The following USH2A variants were observed in gnomAD, a reference collection of about 807,000 sequenced individuals.
USH2A encodes the protein Usher syndrome 2A (autosomal recessive, mild).
Under a neutral mutation model 538.9 loss-of-function variants are expected in USH2A, and 443 were observed. The observed-to-expected ratio is 0.82, with a 90% confidence interval of 0.76 to 0.89. The LOEUF (loss-of-function observed/expected upper bound fraction) is 0.89, where lower values mean the gene tolerates loss of function less well. Among genes scored for constraint, USH2A ranks in the 40% least tolerant of loss-of-function variants. The probability of loss-of-function intolerance (pLI) is 0.00; values close to 1 mark genes in which losing one functional copy is unlikely to be tolerated. For missense variants in USH2A, 6,633 were observed against 6,324.8 expected (o/e 1.05, Z -1.65); for synonymous variants, 2,413 against 2,273.5 (o/e 1.06, Z -1.75).
At chr1:216,050,350 G>T (rs1486440416) in intron 30 of USH2A, among the ~76,000 whole-genome samples, 1 of 152,000 alleles carries the variant, frequency 6.6e-6, no homozygotes, top group African/African-American at 2.4e-5. Context: ...GGTCTTGAAG[G>T]AAAGGCCTTG....
At chr1:215,844,667 C>G (rs1352738396) in intron 45 of USH2A, among the ~76,000 whole-genome samples, 171 bp from the exon 46 acceptor site, 4 of 152,192 alleles carry the variant, frequency 2.6e-5, no homozygotes, top group Non-Finnish European at 5.9e-5. Context: ...ATTATACTCT[C>G]AGTTAGAAAC....
intron 21 of USH2A, among the ~76,000 whole-genome samples, chr1:216,164,732 G>A (rs1243223517): frequency 6.6e-6 from 1 of 152,040 alleles, no homozygotes; most frequent in Non-Finnish European, 1.5e-5. Flanking sequence ...GTAGAGAGAG[G>A]TCATAAAGAA....
chr1:215,639,327 A>T, intron 68 of USH2A, 89 bp from the exon 69 acceptor site: 1 of 1,248,766 alleles, frequency 8.0e-7, no homozygotes, highest in Non-Finnish European at 1.2e-6. Flanking sequence ...GCATCATAGC[A>T]TGAAAAATAG....
At chr1:216,212,705 G>GTA (rs2035267067) in intron 15 of USH2A, among the ~76,000 whole-genome samples, 1 of 142,636 alleles carries the variant, frequency 7.0e-6, no homozygotes, top group Non-Finnish European at 1.5e-5. Context: ...GTGTGTGTGT[G>GTA]CATGCACATA....
At position 215,798,909 on chromosome 1, in the gene USH2A, G is replaced by A. The variant is rs761386458; in HGVS notation, c.9956C>T (p.Pro3319Leu). 1.9e-6 allele frequency: 3 copies of A among 1,613,968 alleles called. No homozygotes were observed. The highest frequency in any genetic ancestry group is 1.7e-5 in the Admixed American group (1 of 59,976). The change falls in exon 50 of 72, where the codon CCA becomes CTA. Residue 3319 changes from proline to leucine, a missense_variant and splice_region_variant. Transcript: ENST00000307340. Reference sequence around the variant, plus strand: ...AAAGGTAGACCTGGGCCCCTTACCTGGAAGGCGATTGTACACCACTCCTTC... The same window carrying A: ...AAAGGTAGACCTGGGCCCCTTACCTAGAAGGCGATTGTACACCACTCCTTC... ...GEEGVVYNRL[P>L]GMFCCGQDYV... is the part of the protein sequence containing the mutation.
At chr1:216,112,600 C>T (rs1435348643) in intron 21 of USH2A, among the ~76,000 whole-genome samples, 1 of 152,000 alleles carries the variant, frequency 6.6e-6, no homozygotes, top group Non-Finnish European at 1.5e-5. Flanking sequence ...TTTTCTGCTC[C>T]TCTCCCTTCT....
At chr1:216,009,309 A>G (rs949362640) in intron 32 of USH2A, among the ~76,000 whole-genome samples, 2 of 151,954 alleles carry the variant, frequency 1.3e-5, no homozygotes, top group Non-Finnish European at 2.9e-5. Flanking sequence ...TGTTTTTAAG[A>G]ACTTAAAACC....
chr1:215,747,881 TG>T (rs1558080813), intron 58 of USH2A, among the ~76,000 whole-genome samples: 8 of 129,600 alleles, frequency 6.2e-5, no homozygotes, highest in Non-Finnish European at 8.6e-5. Flanking sequence ...TTTGTTTGTT[TG>T]TTTGTTTGGT....
In USH2A at chr1:215,942,646, G is replaced by A. The variant is rs1193260413; in HGVS notation, c.7121-7851C>T. 4.6e-5 allele frequency among the ~76,000 whole-genome samples: 7 copies of A among 152,014 alleles called. No homozygotes were observed. In the South Asian group the frequency reaches 6.2e-4, roughly 13 times the overall value. On this transcript the variant is annotated intron_variant, in intron 37 of 71. Coordinates refer to ENST00000307340, the MANE Select transcript of USH2A (RefSeq NM_206933.4). ...ACAATTTTAGTTGAAGATTCTCCAG[G>A]TACAAATGTATAAAGGAAAAGGAAA... is the stretch of plus-strand genomic sequence containing the variant.
chr1:215,635,237 T>C (rs1180160098), intron 69 of USH2A, among the ~76,000 whole-genome samples: 2 of 152,216 alleles, frequency 1.3e-5, no homozygotes, highest in African/African-American at 4.8e-5. Flanking sequence ...TTTTCCATTA[T>C]GATATTAACA....
chr1:215,682,007 C>T (rs2102673440), intron 61 of USH2A, among the ~76,000 whole-genome samples: 1 of 152,160 alleles, frequency 6.6e-6, no homozygotes, highest in South Asian at 2.1e-4. Context: ...TTCTCCATAA[C>T]ATTGGATTGG....
Position 215,722,058 on chromosome 1 carries a change from C to T in USH2A, c.12066+5972G>A, listed in dbSNP as rs578176636. Among the ~76,000 whole-genome samples, 15 of 122,820 alleles carry T rather than the reference C, an allele frequency of 1.2e-4. No homozygotes were observed. The Admixed American group carries it at 1.3e-3, about 11-fold the overall frequency. 80.6% of individuals were successfully genotyped at this position (122,820 alleles called of 152,430 possible). A position where few individuals can be genotyped will look rare whatever the true frequency, so the allele number is the denominator to read the frequency against. ...GCAGCCTGTGTGACAGAGCAAGACC[C>T]TGTCTCTTTAAAAAAAAAAAAAAAA... On this transcript the variant is annotated intron_variant, in intron 61 of 71. Coordinates refer to ENST00000307340, the MANE Select transcript of USH2A (RefSeq NM_206933.4).
intron 2 of USH2A, among the ~76,000 whole-genome samples, chr1:216,418,881 A>G (rs531090767): frequency 1.3e-5 from 2 of 152,236 alleles, no homozygotes; most frequent in East Asian, 3.9e-4. Flanking sequence ...AAAAAATAGA[A>G]TTCTTATTTA....
At chr1:216,271,670 C>A (rs1361414714) in intron 11 of USH2A, among the ~76,000 whole-genome samples, 1 of 151,986 alleles carries the variant, frequency 6.6e-6, no homozygotes, top group Admixed American at 6.6e-5. Flanking sequence ...ATGCCCTTTT[C>A]AGTTTGAGGA....
chr1:216,409,733 T>G (rs1468011622), intron 3 of USH2A, among the ~76,000 whole-genome samples: 1 of 151,876 alleles, frequency 6.6e-6, no homozygotes, highest in Non-Finnish European at 1.5e-5. Context: ...TCAACTCAAG[T>G]TGGAATAAAG....
At chr1:216,171,512 A>G (rs941773434) in intron 21 of USH2A, among the ~76,000 whole-genome samples, 1 of 152,120 alleles carries the variant, frequency 6.6e-6, no homozygotes, top group African/African-American at 2.4e-5. Context: ...ATAAATTAAT[A>G]GAATGCTGAT....
intron 44 of USH2A, among the ~76,000 whole-genome samples, chr1:215,854,711 T>C (rs1664112547): frequency 6.6e-6 from 1 of 152,218 alleles, no homozygotes; most frequent in South Asian, 2.1e-4. Flanking sequence ...ACATAGGGCC[T>C]AAAGATTGAT....
intron 59 of USH2A, 136 bp downstream of exon 59, chr1:215,743,041 G>A: frequency 2.0e-6 from 2 of 1,018,566 alleles, no homozygotes; most frequent in Non-Finnish European, 2.9e-6. Flanking sequence ...ATTTTTCTGG[G>A]TAAACAGTCC....
intron 20 of USH2A, among the ~76,000 whole-genome samples, chr1:216,182,545 A>G (rs952333133): frequency 1.3e-5 from 2 of 152,060 alleles, no homozygotes; most frequent in Admixed American, 1.3e-4. Flanking sequence ...GTTGGTGAGT[A>G]AAAAGCAGTT....
Sources: gnomAD v4.1 joint callset for allele counts (sites outside exome capture counted in the v4.1 genomes callset) on GRCh38, gnomAD v4.1.1 for gene constraint, MANE v1.5 for transcripts, NCBI Gene and HGNC (gene_info 2026-07-23, HGNC 2026-07-21) for gene names.